PTK2: variants seen among roughly 807,000 people sequenced by gnomAD.
PTK2 encodes protein tyrosine kinase 2.
Under a neutral mutation model 150.1 loss-of-function variants are expected in PTK2, and 45 were observed. That is an observed-to-expected ratio of 0.30 (90% CI 0.24 to 0.38). The LOEUF is 0.38. Among genes scored for constraint, PTK2 ranks in the 10% least tolerant of loss-of-function variants. The pLI, the probability that PTK2 is intolerant of heterozygous loss-of-function variation, is 1.00. For missense variants in PTK2, 919 were observed against 1,307.3 expected, an observed-to-expected ratio of 0.70 and a Z score of 4.58; for synonymous variants, 432 against 449.2, an observed-to-expected ratio of 0.96 and a Z score of 0.48.
intron 1 of PTK2, among the ~76,000 whole-genome samples, chr8:141,000,121 ACACACC>A (rs767853198): frequency 4.3e-4 from 65 of 149,696 alleles, no homozygotes; most frequent in Admixed American, 5.9e-4. Flanking sequence ...ACACACACAC[ACACACC>A]CCTTCTTCTA....
intron 1 of PTK2, among the ~76,000 whole-genome samples, chr8:140,954,033 TCTCGGCTCACTGTAAC>T (rs2100180395): frequency 6.6e-6 from 1 of 151,832 alleles, no homozygotes; most frequent in African/African-American, 2.4e-5. Context: ...AGTGGCACGA[TCTCGGCTCACTGTAAC>T]CTCCACCTCC....
rs1361829719 is a variant in PTK2 at position 140,992,081 on chromosome 8, C to G, written c.-122+9044G>C. The stretch of plus-strand genomic sequence containing the variant: ...CAGAGGTGGGCAGATCACCTGAGGT[C>G]AGGAGTTTGAGACCAGCCTGGCCAA... On this transcript the variant is annotated intron_variant, in intron 1 of 31. Coordinates refer to ENST00000522684, the Ensembl canonical transcript of PTK2. Among the ~76,000 whole-genome samples the G allele has an allele frequency of 3.3e-5, 5 of 152,194 alleles. No homozygotes were observed. In the East Asian group the frequency reaches 9.7e-4, roughly 29 times the overall value.
At chr8:140,781,947 G>T (rs1314300154) in intron 14 of PTK2, among the ~76,000 whole-genome samples, 1 of 152,156 alleles carries the variant, frequency 6.6e-6, no homozygotes, top group African/African-American at 2.4e-5. Flanking sequence ...TCGGAAAGAA[G>T]GCAGCACAGC....
intron 1 of PTK2, among the ~76,000 whole-genome samples, chr8:140,930,079 T>G (rs1569101914): frequency 6.6e-6 from 1 of 152,172 alleles, no homozygotes. Context: ...CTACTAAACC[T>G]CCAATAAATC....
chr8:140,967,615 C>T (rs2100185765), intron 1 of PTK2, among the ~76,000 whole-genome samples: 2 of 152,008 alleles, frequency 1.3e-5, no homozygotes, highest in Admixed American at 6.6e-5. Context: ...GGCCTGCCAC[C>T]ACGCCCAGCT....
At chr8:140,668,445 C>A in intron 29 of PTK2, 21 bp from the exon 34 acceptor site, 1 of 1,592,990 alleles carries the variant, frequency 6.3e-7, no homozygotes, top group South Asian at 1.1e-5. Context: ...AGAAGCCAGT[C>A]ATTTTTCTGC....
At chr8:140,927,869 C>T (rs1327174458) in intron 1 of PTK2, among the ~76,000 whole-genome samples, 1 of 143,110 alleles carries the variant, frequency 7.0e-6, no homozygotes, top group Non-Finnish European at 1.5e-5. Context: ...GCAGGAGAAT[C>T]GCTTGAACCT....
chr8:140,781,750 C>T (rs896491647), intron 14 of PTK2, among the ~76,000 whole-genome samples: 2 of 152,162 alleles, frequency 1.3e-5, no homozygotes, highest in Admixed American at 6.5e-5. Context: ...GGAGTGGTTC[C>T]GGGTCCTTTT....
rs566419304 is a variant in PTK2, at chr8:140,819,244, T to C, written c.649-224A>G. On this transcript the variant is annotated intron_variant, in intron 8 of 31. Transcript: ENST00000522684. ...ACAAAATTCACCATCTTAACCATTT[T>C]TAACTGTAAAGTTCATATATAGAGT... 9.8e-5 allele frequency among the ~76,000 whole-genome samples: 15 copies of C among 152,346 alleles called. No homozygotes were observed. The East Asian group carries it at 2.7e-3, about 27-fold the overall frequency.
At chr8:140,875,504 G>A (rs1029013851) in intron 4 of PTK2, among the ~76,000 whole-genome samples, 4 of 152,122 alleles carry the variant, frequency 2.6e-5, no homozygotes, top group Admixed American at 2.0e-4. Context: ...AAGGAGATAA[G>A]GACTGTGAGG....
intron 22 of PTK2, among the ~76,000 whole-genome samples, chr8:140,723,788 A>T (rs551530124): frequency 1.6e-4 from 24 of 152,338 alleles, no homozygotes; most frequent in African/African-American, 4.8e-4. Flanking sequence ...TGATAATTAC[A>T]CTTTATTGAT....
intron 21 of PTK2, among the ~76,000 whole-genome samples, chr8:140,738,504 A>G (rs529276938): frequency 6.6e-6 from 1 of 152,314 alleles, no homozygotes; most frequent in Non-Finnish European, 1.5e-5. Context: ...AGGAGGAACA[A>G]ATGAGATTAT....
chr8:140,741,714 C>A (rs1298848741), intron 20 of PTK2, among the ~76,000 whole-genome samples: 1 of 152,062 alleles, frequency 6.6e-6, no homozygotes, highest in African/African-American at 2.4e-5. Context: ...TAAACCTTAG[C>A]TAAAGTTCTA....
chr8:140,720,745 C>G (rs1212868240), intron 22 of PTK2, among the ~76,000 whole-genome samples: 1 of 151,364 alleles, frequency 6.6e-6, no homozygotes, highest in South Asian at 2.1e-4. Flanking sequence ...AGCTCTAAGT[C>G]TTTTTCTTTC....
At chr8:140,963,465 C>T (rs921375662) in intron 1 of PTK2, among the ~76,000 whole-genome samples, 2 of 152,192 alleles carry the variant, frequency 1.3e-5, no homozygotes, top group Non-Finnish European at 2.9e-5. Flanking sequence ...TCTCTCACCC[C>T]TAAGATCCCT....
chr8:140,849,127 G>A (rs999674237), intron 5 of PTK2, among the ~76,000 whole-genome samples: 17 of 152,096 alleles, frequency 1.1e-4, no homozygotes, highest in Admixed American at 1.0e-3. Flanking sequence ...CTTTAATCTC[G>A]ATTATCAGAG....
At chr8:140,727,713 T>C (rs772432449) in intron 22 of PTK2, among the ~76,000 whole-genome samples, 1 of 152,154 alleles carries the variant, frequency 6.6e-6, no homozygotes, top group Admixed American at 6.5e-5. Flanking sequence ...GTTCACAGAT[T>C]AATATTTTAA....
intron 26 of PTK2, among the ~76,000 whole-genome samples, chr8:140,691,963 C>A (rs2100023440): frequency 6.6e-6 from 1 of 152,170 alleles, no homozygotes; most frequent in Non-Finnish European, 1.5e-5. Context: ...ATAATAAGAA[C>A]CTTCTACAGG....
chr8:140,820,668 T>C (rs147755779), intron 8 of PTK2: 1 of 151,634 alleles, frequency 6.6e-6, no homozygotes, highest in East Asian at 1.9e-4. Flanking sequence ...TAATTAAGAG[T>C]TGCCATTAAA....
Sources: allele counts gnomAD v4.1 joint callset (sites outside exome capture counted in the v4.1 genomes callset), GRCh38; gene constraint gnomAD v4.1.1; transcripts MANE v1.5; gene names NCBI Gene and HGNC (gene_info 2026-07-23, HGNC 2026-07-21).